BDP1: variants seen among roughly 807,000 people sequenced by gnomAD.
BDP1 encodes BDP1 general transcription factor IIIB subunit.
BDP1 carries 169 observed loss-of-function variants against 266.6 expected under a neutral mutation model. The observed-to-expected ratio is 0.63, with a 90% CI of 0.56 to 0.72. The LOEUF is 0.72. Among genes scored for constraint, BDP1 ranks in the 30% least tolerant of loss-of-function variants. The pLI, the probability that BDP1 is intolerant of heterozygous loss-of-function variation, is 0.00. For synonymous variants in BDP1, 1,090 were observed against 1,022.4 expected (o/e 1.07, Z -1.26); for missense variants, 3,015 against 3,053.8 (o/e 0.99, Z 0.30).
chr5:71,471,014 T>C (rs1259145036), intron 7 of BDP1, among the ~76,000 whole-genome samples: 1 of 152,066 alleles, frequency 6.6e-6, no homozygotes, highest in Non-Finnish European at 1.5e-5. Flanking sequence ...TTTTCTTATA[T>C]CTTCTTCATT....
chr5:71,552,429 A>G (rs1742886313), intron 34 of BDP1, among the ~76,000 whole-genome samples: 1 of 152,276 alleles, frequency 6.6e-6, no homozygotes, highest in Non-Finnish European at 1.5e-5. Flanking sequence ...GCGGCCAGGC[A>G]GAGGCTGCAA....
At chr5:71,545,001 C>T in intron 31 of BDP1, 38 bp from the exon 32 acceptor site, 1 of 1,593,020 alleles carries the variant, frequency 6.3e-7, no homozygotes, top group Non-Finnish European at 8.6e-7. Context: ...CATGATTTGC[C>T]TGATTTCAAA....
chr5:71,486,389 C>G (rs552712611), intron 8 of BDP1, 95 bp from the exon 9 acceptor site: 1 of 1,054,322 alleles, frequency 9.5e-7, no homozygotes, highest in African/African-American at 1.9e-5. Context: ...TACTGATAAA[C>G]AAACCCATTT....
rs775827046 is a variant in BDP1, at chr5:71,560,256, T to A, written c.7496+19T>A. 2 of 1,610,102 alleles carry A rather than the reference T, an allele frequency of 1.2e-6. No homozygotes were observed. The highest frequency in any genetic ancestry group is 1.7e-6 in the Non-Finnish European group (2 of 1,178,070). On this transcript the variant is annotated intron_variant, in intron 37 of 38. Transcript: ENST00000358731. ...TATCCAGGTATCATGAACAAATCTTTAATAAGTGTTTTGCTCTCTGTCTTA... is the reference window on the plus strand; with the variant it reads ...TATCCAGGTATCATGAACAAATCTTAAATAAGTGTTTTGCTCTCTGTCTTA...
intron 26 of BDP1, among the ~76,000 whole-genome samples, chr5:71,534,274 A>G (rs1449221876): frequency 6.6e-6 from 1 of 152,140 alleles, no homozygotes; most frequent in African/African-American, 2.4e-5. Context: ...GGATAACCTC[A>G]TTATCCAACT....
chr5:71,560,411 T>C (rs1743558641), intron 37 of BDP1, among the ~76,000 whole-genome samples, 174 bp downstream of exon 37: 1 of 152,212 alleles, frequency 6.6e-6, no homozygotes, highest in African/African-American at 2.4e-5. Context: ...CAGATACACA[T>C]TCTGTACAAT....
chr5:71,535,381 T>C (rs1048763188), intron 26 of BDP1, among the ~76,000 whole-genome samples: 2 of 151,930 alleles, frequency 1.3e-5, no homozygotes, highest in Non-Finnish European at 2.9e-5. Flanking sequence ...ATTTTTGTAT[T>C]TTTAGTAGAG....
At chr5:71,481,391 G>GAAAAAAAAAAAAAAAAAAAA (rs58798987) in intron 7 of BDP1, among the ~76,000 whole-genome samples, 1 of 63,842 alleles carries the variant, frequency 1.6e-5, no homozygotes, top group Middle Eastern at 0.016. Flanking sequence ...TCTCTACAAA[G>GAAAAAAAAAAAAAAAAAAAA]AAAAAAAAAA....
chr5:71,520,031 G>T (rs1331347852), intron 22 of BDP1, among the ~76,000 whole-genome samples: 2 of 152,136 alleles, frequency 1.3e-5, no homozygotes, highest in African/African-American at 2.4e-5. Flanking sequence ...ATATCTCAGT[G>T]CAGTTTTGAT....
intron 7 of BDP1, among the ~76,000 whole-genome samples, chr5:71,479,389 C>T (rs994971294): frequency 6.6e-6 from 1 of 151,922 alleles, no homozygotes; most frequent in African/African-American, 2.4e-5. Context: ...GAGATTTCCC[C>T]ATCTCTTCAC....
At chr5:71,575,844 A>G in the BDP1 span, among the ~76,000 whole-genome samples, 398 of 152,278 alleles carry the variant, frequency 2.6e-3, no homozygotes, top group Non-Finnish European at 4.0e-3. Context: ...TGCTTACATC[A>G]TTCATTTTAT....
chr5:71,512,264 G>A lies in BDP1; in HGVS notation c.4083G>A (p.Ser1361=), dbSNP rs776747654. The change falls in exon 18 of 39, where the codon TCG becomes TCA. Residue 1361 remains serine (S), a synonymous_variant. Transcript: ENST00000358731. ...AGAACATTAGCAGTGAAGTACTGTC[G>A]ATGATGCATACACCTGTAGAAGAAA... ...DIQNISSEVL[S]MMHTPVEEKR... The A allele has an allele frequency of 1.1e-5, 17 of 1,544,904 alleles. No homozygotes were observed. Among genetic ancestry groups the A allele is most frequent in the Admixed American group, 2.2e-5 (1 of 45,378 alleles).
downstream of BDP1, among the ~76,000 whole-genome samples, chr5:71,571,802 A>G (rs1171915654): frequency 2.0e-5 from 3 of 151,916 alleles, no homozygotes; most frequent in Admixed American, 6.6e-5. Context: ...TTGTATTTTT[A>G]GTAGAGGTGG....
rs952860937 is a variant in BDP1, at chr5:71,455,824, G to A, written c.-54G>A. Reference sequence around the variant, plus strand: ...ATCCCCTTTCCGGGCAGCCGCCGGGGCTCGGGGCTGTGAGCGGCCGTGAGG... The same window carrying A: ...ATCCCCTTTCCGGGCAGCCGCCGGGACTCGGGGCTGTGAGCGGCCGTGAGG... On this transcript the variant is annotated 5_prime_UTR_variant, in exon 1 of 39. Transcript: ENST00000358731. 2.0e-6 allele frequency: 3 copies of A among 1,481,504 alleles called. No homozygotes were observed. In the African/African-American group the frequency reaches 4.2e-5, roughly 21 times the overall value. The allele number at this position is 1,481,504 out of a possible 1,614,324, so 91.8% of individuals were successfully genotyped here. A position where few individuals can be genotyped will look rare whatever the true frequency, so the allele number is the denominator to read the frequency against.
chr5:71,570,309 C>G (rs561816481), downstream of BDP1, among the ~76,000 whole-genome samples: 38 of 152,298 alleles, frequency 2.5e-4, no homozygotes, highest in Non-Finnish European at 4.0e-4. Flanking sequence ...CCATAGTTCT[C>G]TCTGCAGAAG....
At chr5:71,538,229 A>G (rs1351111951) in intron 26 of BDP1, among the ~76,000 whole-genome samples, 2 of 151,966 alleles carry the variant, frequency 1.3e-5, no homozygotes, top group South Asian at 2.1e-4. Flanking sequence ...TTTATTGGTG[A>G]TTTTTATGTC....
rs189499907 is a variant in BDP1 at position 71,536,706 on chromosome 5, T to C, written c.5893-2336T>C. On this transcript the variant is annotated intron_variant, in intron 26 of 38. Coordinates refer to ENST00000358731, the MANE Select transcript of BDP1 (RefSeq NM_018429.3). ...TTGGCCAGTCATGGTGGCATGCGCCTGTGGTCCCAGCTACTGTGGAGGCTG... is the reference window on the plus strand; with the variant it reads ...TTGGCCAGTCATGGTGGCATGCGCCCGTGGTCCCAGCTACTGTGGAGGCTG... 3.6e-3 allele frequency among the ~76,000 whole-genome samples: 544 copies of C among 152,212 alleles called. 9 individuals are homozygous for C. Among genetic ancestry groups the C allele is most frequent in the African/African-American group, 0.012 (502 of 41,540 alleles).
chr5:71,485,816 A>G (rs929286535), intron 8 of BDP1, among the ~76,000 whole-genome samples: 1 of 152,230 alleles, frequency 6.6e-6, no homozygotes, highest in Admixed American at 6.5e-5. Flanking sequence ...GGTAGGGCAT[A>G]TGGTGGTGAA....
chr5:71,534,452 C>A (rs1222990843), intron 26 of BDP1, among the ~76,000 whole-genome samples: 1 of 152,038 alleles, frequency 6.6e-6, no homozygotes, highest in Non-Finnish European at 1.5e-5. Flanking sequence ...TATGTCTGTT[C>A]TCATGCTGGT....
Sources: allele counts gnomAD v4.1 joint callset (sites outside exome capture counted in the v4.1 genomes callset), GRCh38; gene constraint gnomAD v4.1.1; transcripts MANE v1.5; gene names NCBI Gene and HGNC (gene_info 2026-07-23, HGNC 2026-07-21).